SETX: variants seen among roughly 807,000 people sequenced by gnomAD.
The protein encoded by SETX is helicase senataxin.
SETX carries 90 observed loss-of-function variants against 227.2 expected under a neutral mutation model. The observed-to-expected ratio is 0.40, with a 90% CI of 0.33 to 0.47. SETX has a LOEUF of 0.47. Among genes scored for constraint, SETX ranks in the 20% least tolerant of loss-of-function variants. The probability of loss-of-function intolerance (pLI) is 0.91; values close to 1 mark genes in which losing one functional copy is unlikely to be tolerated. For synonymous variants in SETX, 1,210 were observed against 1,113.2 expected (o/e 1.09, Z -1.73); for missense variants, 3,052 against 3,181.5 (o/e 0.96, Z 0.98).
chr9:132,305,458 T>C (rs1452022562), intron 11 of SETX, among the ~76,000 whole-genome samples: 1 of 151,996 alleles, frequency 6.6e-6, no homozygotes, highest in African/African-American at 2.4e-5. Flanking sequence ...ATTTACTCAT[T>C]ACAAATGAAA....
chr9:132,264,442 C>A lies in SETX; in HGVS notation c.7831G>T (p.Ala2611Ser). The part of the protein sequence containing the change: ...KPPVRGEPPA[A>S]SPEASTCQSK... Reference sequence around the variant, plus strand: ...TGACACGTGGAAGCCTCGGGACTGGCAGCTGGAGGTTCGCCCCGCACGGGA... The same window carrying A: ...TGACACGTGGAAGCCTCGGGACTGGAAGCTGGAGGTTCGCCCCGCACGGGA... Residue 2611 changes from alanine (A) to serine (S), a missense_variant, in exon 26 of 26, where the codon GCC (alanine) becomes TCC (serine). Ala to Ser is a moderately conservative substitution (Grantham distance 99). Transcript: ENST00000224140. 6.2e-7 allele frequency: 1 copy of A among 1,614,044 alleles called. No homozygotes were observed. Among genetic ancestry groups the A allele is most frequent in the Non-Finnish European group, 8.5e-7 (1 of 1,179,942 alleles).
rs1333153197 is a variant in SETX, at chr9:132,281,456, A to T, written c.6654+11T>A. The T allele has an allele frequency of 6.2e-7, 1 of 1,600,070 alleles. No homozygotes were observed. The highest frequency in any genetic ancestry group is 1.1e-5 in the South Asian group (1 of 90,812). ...TTCCATTTTAAAGCAATCTGAACAT[A>T]AAAAACTTACCATAGAGATGACTGT... On this transcript the variant is annotated intron_variant, in intron 20 of 25. Coordinates refer to ENST00000224140, the MANE Select transcript of SETX (RefSeq NM_015046.7).
In SETX at chr9:132,326,307, A is replaced by C; in HGVS notation, c.5274+17T>G. ...TTGAAAAGTTTGGAGAGGCATACAA[A>C]TGAAACACATACTTACTGTTTCAAA... On this transcript the variant is annotated intron_variant, in intron 10 of 25. Coordinates refer to ENST00000224140, the MANE Select transcript of SETX (RefSeq NM_015046.7). 6.4e-7 allele frequency: 1 copy of C among 1,552,986 alleles called. No homozygotes were observed. Among genetic ancestry groups the C allele is most frequent in the South Asian group, 1.1e-5 (1 of 89,494 alleles).
intron 11 of SETX, among the ~76,000 whole-genome samples, chr9:132,310,997 C>T (rs947759216): frequency 6.6e-6 from 1 of 152,094 alleles, no homozygotes; most frequent in Non-Finnish European, 1.5e-5. Context: ...GTTTTTGAGA[C>T]AGTCTCTGTG....
At chr9:132,325,358 A>C (rs1439154321) in intron 10 of SETX, among the ~76,000 whole-genome samples, 12 of 136,144 alleles carry the variant, frequency 8.8e-5, no homozygotes, top group Non-Finnish European at 1.7e-4. Context: ...TCGTCTCAAA[A>C]AAAAGAAAAA....
intron 11 of SETX, 119 bp downstream of exon 11, chr9:132,311,638 G>T: frequency 1.4e-6 from 1 of 714,698 alleles, no homozygotes; most frequent in Non-Finnish European, 2.5e-6. Context: ...ATTCTAAGAA[G>T]TCACAAATTT....
chr9:132,322,787 C>A (rs1436918602), intron 10 of SETX, among the ~76,000 whole-genome samples: 1 of 152,050 alleles, frequency 6.6e-6, no homozygotes. Flanking sequence ...GAAAAACCAA[C>A]TGGGGAAACA....
At chr9:132,294,123 A>C (rs755848818) in intron 15 of SETX, among the ~76,000 whole-genome samples, 9 of 152,214 alleles carry the variant, frequency 5.9e-5, no homozygotes, top group Non-Finnish European at 1.2e-4. Flanking sequence ...CCTGAAAAGC[A>C]GCTTAAGCTC....
intron 5 of SETX, among the ~76,000 whole-genome samples, chr9:132,340,704 C>A (rs1486690780): frequency 6.6e-6 from 1 of 152,228 alleles, no homozygotes; most frequent in Non-Finnish European, 1.5e-5. Flanking sequence ...GTTAATTGGT[C>A]TCCACCTGCT....
In SETX at chr9:132,275,074, A is replaced by C. The variant is rs17148869; in HGVS notation, c.7100+182T>G. 0.16 allele frequency: 99,136 copies of C among 620,276 alleles called. 10,709 individuals carry two copies. Among genetic ancestry groups the C allele is most frequent in the East Asian group, 0.46 (16,418 of 36,076 alleles). 38.4% of individuals were successfully genotyped at this position (620,276 alleles called of 1,614,324 possible). ...TTGACATTCCAACTGCCAGGAAGTA[A>C]CCTGTCTACCCAGGAGCCACACAGC... On this transcript the variant is annotated intron_variant, in intron 23 of 25. Transcript: ENST00000224140.
Position 132,346,442 on chromosome 9 carries a change from G to C in SETX, c.207C>G (p.Leu69=). 1 of 1,612,906 alleles carries C rather than the reference G, an allele frequency of 6.2e-7. No individual in the cohort carries two copies. Among genetic ancestry groups the C allele is most frequent in the Admixed American group, 1.7e-5 (1 of 59,964 alleles). ...EVLWELETLR[L]INHFEKSMKA... is the part of the protein sequence containing the mutation. ...TCATGGATTTTTCAAAGTGATTTATGAGACGTAAGGTTTCTAATTCCCATA... is the reference window on the plus strand; with the variant it reads ...TCATGGATTTTTCAAAGTGATTTATCAGACGTAAGGTTTCTAATTCCCATA... The change falls in exon 4 of 26, where the codon CTC becomes CTG. Residue 69 remains leucine, a synonymous_variant. Transcript: ENST00000224140.
rs1846858492 is a variant in SETX at position 132,327,206 on chromosome 9, A to G, written c.4392T>C (p.Pro1464=). The G allele has an allele frequency of 6.2e-7, 1 of 1,614,066 alleles. No individual in the cohort carries two copies. Among genetic ancestry groups the G allele is most frequent in the Admixed American group, 1.7e-5 (1 of 60,004 alleles). The part of the protein sequence containing the change: ...NEVIVSTSED[P]LGGGDPTARH... ...GTGCTGTTGGATCACCTCCACCCAG[A>G]GGGTCTTCTGAAGTGGAGACAATTA... The change falls in exon 10 of 26, where the codon CCT becomes CCC. Residue 1464 remains proline (P), a synonymous_variant. Coordinates refer to ENST00000224140, the MANE Select transcript of SETX (RefSeq NM_015046.7).
At chr9:132,269,275 A>T in intron 25 of SETX, 2 of 578,554 alleles carry the variant, frequency 3.5e-6, no homozygotes, top group Non-Finnish European at 5.4e-6. Context: ...AGCTGGGCCA[A>T]TAACAGCCAC....
intron 18 of SETX, among the ~76,000 whole-genome samples, chr9:132,285,861 A>G (rs923944111): frequency 7.9e-5 from 11 of 139,066 alleles, no homozygotes; most frequent in African/African-American, 3.0e-4. Flanking sequence ...GCCTGGCAAC[A>G]GAGTGAGACT....
At position 132,344,454 on chromosome 9, in the gene SETX, A is replaced by C. The variant is rs141598135; in HGVS notation, c.389-1655T>G. ...GAGGGTGAGAAGACTGTTTTGAATT[A>C]AAAGAGCTGGAAGAACTATGTACCA... is the stretch of plus-strand genomic sequence containing the variant. On this transcript the variant is annotated intron_variant, in intron 4 of 25. Transcript: ENST00000224140. Among the ~76,000 whole-genome samples the C allele has an allele frequency of 8.3e-4, 127 of 152,338 alleles. 1 individual carries two copies. Among genetic ancestry groups the C allele is most frequent in the African/African-American group, 3.1e-3 (127 of 41,570 alleles).
rs766063614 is a variant in SETX at position 132,264,464 on chromosome 9, G to A, written c.7809C>T (p.Pro2603=). The A allele has an allele frequency of 2.5e-5, 40 of 1,613,802 alleles. No homozygotes were observed. Among genetic ancestry groups the A allele is most frequent in the Non-Finnish European group, 3.1e-5 (36 of 1,179,886 alleles). ...VVAALSSHKP[P]VRGEPPAASP... The stretch of plus-strand genomic sequence containing the variant: ...TGGCAGCTGGAGGTTCGCCCCGCAC[G>A]GGAGGTTTGTGGCTGCTCAGAGCAG... The change falls in exon 26 of 26, where the codon CCC becomes CCT. Residue 2603 remains proline (P), a synonymous_variant. Transcript: ENST00000224140.
rs147210402 is a variant in SETX at position 132,354,099 on chromosome 9, C to G, written c.-114-344G>C. Reference sequence around the variant, plus strand: ...CTTGTGGAGCTCTTTTCCCTCAAGGCAGTCACCCCCGTTTCACTTGGGTCG... The same window carrying G: ...CTTGTGGAGCTCTTTTCCCTCAAGGGAGTCACCCCCGTTTCACTTGGGTCG... On this transcript the variant is annotated intron_variant, in intron 1 of 25. Coordinates refer to ENST00000224140, the MANE Select transcript of SETX (RefSeq NM_015046.7). 1.3e-3 allele frequency among the ~76,000 whole-genome samples: 201 copies of G among 152,358 alleles called. 1 individual carries two copies. Among genetic ancestry groups the G allele is most frequent in the African/African-American group, 4.1e-3 (172 of 41,586 alleles).
intron 11 of SETX, among the ~76,000 whole-genome samples, chr9:132,301,146 G>A (rs920798144): frequency 6.9e-6 from 1 of 143,962 alleles, no homozygotes; most frequent in Non-Finnish European, 1.5e-5. Context: ...AGGCTGGAGT[G>A]CAGTGGCGCG....
At chr9:132,305,418 T>A (rs7036349) in intron 11 of SETX, among the ~76,000 whole-genome samples, 39,626 of 147,694 alleles carry the variant, frequency 0.27, 6,909 homozygotes, top group East Asian at 0.67. Context: ...TTAAAAAAAA[T>A]TTTTTTTTAA....
Sources: gnomAD v4.1 joint callset for allele counts (sites outside exome capture counted in the v4.1 genomes callset) on GRCh38, gnomAD v4.1.1 for gene constraint, MANE v1.5 for transcripts, NCBI Gene and HGNC (gene_info 2026-07-23, HGNC 2026-07-21) for gene names.